The following HTT variants were observed in gnomAD, a reference collection of about 807,000 sequenced individuals.
HTT encodes huntingtin.
A neutral mutation model predicts 362.3 loss-of-function variants in HTT; 104 were observed. The ratio of observed to expected loss-of-function variants is 0.29; its 90% CI spans 0.24 to 0.34. HTT has a LOEUF of 0.34. HTT is among the 10% of genes least tolerant of loss of function. The probability of loss-of-function intolerance (pLI) is 1.00; values close to 1 mark genes in which losing one functional copy is unlikely to be tolerated. For missense variants in HTT, 3,301 were observed against 3,928.6 expected (o/e 0.84, Z 4.27); for synonymous variants, 1,577 against 1,548.7 (o/e 1.02, Z -0.43).
chr4:3,217,938 C>G lies in HTT; in HGVS notation c.7228C>G (p.Arg2410Gly). The G allele has an allele frequency of 6.2e-7, 1 of 1,610,256 alleles. No individual in the cohort carries two copies. Among genetic ancestry groups the G allele is most frequent in the Non-Finnish European group, 8.5e-7 (1 of 1,178,688 alleles). ...CCTGCCCCTTGTCAACAGCTACACACGTGTGCCCCCACTGGTGAGTCTGCT... is the reference window on the plus strand; with the variant it reads ...CCTGCCCCTTGTCAACAGCTACACAGGTGTGCCCCCACTGGTGAGTCTGCT... ...ARLPLVNSYT[R>G]VPPLVWKLGW... Residue 2410 changes from arginine to glycine, a missense_variant, in exon 52 of 67, where the codon CGT (arginine) becomes GGT (glycine). Arg to Gly is a moderately radical substitution (Grantham distance 125, BLOSUM62 -2). Transcript: ENST00000355072.
rs1291739921 is a variant in HTT, at chr4:3,240,478, C to T, written c.*419C>T. On this transcript the variant is annotated 3_prime_UTR_variant, in exon 67 of 67. Transcript: ENST00000355072. ...GTGCCGTGAGCAGGCTTTGGGAACACTGGCCTGGGTCTCCCTGGTGGGGTG... is the reference window on the plus strand; with the variant it reads ...GTGCCGTGAGCAGGCTTTGGGAACATTGGCCTGGGTCTCCCTGGTGGGGTG... 2 of 242,002 alleles carry T rather than the reference C, an allele frequency of 8.3e-6. No homozygotes were observed. Among genetic ancestry groups the T allele is most frequent in the Admixed American group, 5.1e-5 (1 of 19,468 alleles). The allele number at this position is 242,002 out of a possible 1,614,324, so 15.0% of individuals were successfully genotyped here. A position where few individuals can be genotyped will look rare whatever the true frequency, so the allele number is the denominator to read the frequency against.
chr4:3,144,134 A>G (rs748749975), intron 23 of HTT, among the ~76,000 whole-genome samples: 7 of 152,186 alleles, frequency 4.6e-5, no homozygotes, highest in African/African-American at 7.2e-5. Flanking sequence ...TAATATTTAC[A>G]TATATACATT....
At position 3,132,571 on chromosome 4, in the gene HTT, A is replaced by G. The variant is rs774253874; in HGVS notation, c.2246A>G (p.Tyr749Cys). Residue 749 changes from tyrosine to cysteine, a missense_variant, in exon 17 of 67, where the codon TAT (tyrosine) becomes TGT (cysteine). By Grantham distance (194) the Tyr-to-Cys change is radical. Around this residue, in one of 4 missense-constraint regions of HTT, gnomAD observed 2,316 missense variants for 2,658.5 expected, o/e 0.87. Transcript: ENST00000355072. Reference protein sequence around the residue: ...LDTTEYPEEQYVSDILNYIDH... With the variant: ...LDTTEYPEEQCVSDILNYIDH... Reference sequence around the variant, plus strand: ...CAATTTATCTCCACAGAGGAACAGTATGTCTCAGACATCTTGAACTACATC... The same window carrying G: ...CAATTTATCTCCACAGAGGAACAGTGTGTCTCAGACATCTTGAACTACATC... 3.1e-6 allele frequency: 5 copies of G among 1,613,956 alleles called. No individual in the cohort carries two copies. The highest frequency in any genetic ancestry group is 2.5e-6 in the Non-Finnish European group (3 of 1,179,832).
intron 6 of HTT, chr4:3,112,872 T>C: frequency 5.7e-6 from 1 of 174,756 alleles, no homozygotes; most frequent in Non-Finnish European, 1.1e-5. Flanking sequence ...CCACTGTGTA[T>C]GGGGATTCCA....
chr4:3,154,458 G>A, intron 27 of HTT, 39 bp downstream of exon 27: 1 of 1,604,158 alleles, frequency 6.2e-7, no homozygotes, highest in Non-Finnish European at 8.5e-7. Flanking sequence ...CATGAGTGCA[G>A]CATCTGTCAT....
chr4:3,075,735 C>G (rs1411909532), intron 1 of HTT, among the ~76,000 whole-genome samples: 1 of 151,734 alleles, frequency 6.6e-6, no homozygotes, highest in Non-Finnish European at 1.5e-5. Context: ...GAGGCTCTTC[C>G]TACATTGTCA....
intron 53 of HTT, among the ~76,000 whole-genome samples, chr4:3,221,816 T>C (rs953215254): frequency 2.6e-5 from 4 of 152,278 alleles, no homozygotes; most frequent in African/African-American, 4.8e-5. Context: ...CCTACCTTGA[T>C]ACACTCTTTT....
At chr4:3,079,190 C>G (rs1168790479) in intron 1 of HTT, among the ~76,000 whole-genome samples, 6 of 151,860 alleles carry the variant, frequency 4.0e-5, no homozygotes, top group Non-Finnish European at 7.4e-5. Flanking sequence ...GCCACCATAC[C>G]TGGCCAGTGT....
At chr4:3,177,528 A>G in intron 34 of HTT, 141 bp downstream of exon 34, 2 of 573,610 alleles carry the variant, frequency 3.5e-6, no homozygotes, top group East Asian at 3.1e-5. Context: ...CATACTGTGC[A>G]TTTTTGCTTC....
chr4:3,118,043 G>A (rs1191572122), intron 8 of HTT, among the ~76,000 whole-genome samples: 2 of 151,964 alleles, frequency 1.3e-5, no homozygotes, highest in Admixed American at 1.3e-4. Flanking sequence ...TTCCCTTAGA[G>A]TTCATTTATT....
intron 29 of HTT, among the ~76,000 whole-genome samples, chr4:3,161,098 T>C (rs1407754743): frequency 6.6e-6 from 1 of 151,900 alleles, no homozygotes; most frequent in African/African-American, 2.4e-5. Context: ...TGGGCCCCGG[T>C]GTGTGATGTT....
intron 44 of HTT, 42 bp downstream of exon 44, chr4:3,207,025 T>C: frequency 1.3e-6 from 2 of 1,558,394 alleles, no homozygotes; most frequent in South Asian, 2.4e-5. Flanking sequence ...ATATTGAAAA[T>C]TTAGCAGGCC....
At chr4:3,185,374 G>T (rs1718713709) in intron 37 of HTT, among the ~76,000 whole-genome samples, 1 of 152,138 alleles carries the variant, frequency 6.6e-6, no homozygotes, top group African/African-American at 2.4e-5. Flanking sequence ...CACAGGCGAG[G>T]GTCCAGGATG....
chr4:3,157,977 A>G lies in HTT; in HGVS notation c.3753+778A>G, dbSNP rs762902261. ...TATCAATCTATCTGTCTGCTCATCT[A>G]TTAGAAGCATCCTTGTTTTTTTTTT... is the stretch of plus-strand genomic sequence containing the variant. On this transcript the variant is annotated intron_variant, in intron 28 of 66. Transcript: ENST00000355072. Among the ~76,000 whole-genome samples the G allele has an allele frequency of 3.3e-5, 5 of 150,538 alleles. No individual in the cohort carries two copies. The South Asian group carries it at 6.3e-4, about 19-fold the overall frequency.
chr4:3,206,702 C>T lies in HTT; in HGVS notation c.5898+27C>T, dbSNP rs1280555818. On this transcript the variant is annotated intron_variant, in intron 43 of 66. Coordinates refer to ENST00000355072, the MANE Select transcript of HTT (RefSeq NM_001388492.1). The surrounding 1 kb of genome is among the most constrained non-coding windows in gnomAD (Gnocchi z 4.6). ...TACGTCTTCATCCTGCCGACTATTG[C>T]CAGTTGCAGTTTTCCCTGCCTTAAA... 1.3e-6 allele frequency: 2 copies of T among 1,598,830 alleles called. No individual in the cohort carries two copies. The highest frequency in any genetic ancestry group is 3.4e-5 in the Admixed American group (2 of 59,090).
chr4:3,139,554 G>A (rs534869862), intron 21 of HTT, among the ~76,000 whole-genome samples: 21 of 152,346 alleles, frequency 1.4e-4, no homozygotes, highest in African/African-American at 5.1e-4. Context: ...TCTCCATGAG[G>A]AAAGAGACTT....
At chr4:3,212,909 G>A (rs550456350) in intron 49 of HTT, 200 bp downstream of exon 49, 32 of 584,022 alleles carry the variant, frequency 5.5e-5, no homozygotes, top group Admixed American at 1.8e-4. Flanking sequence ...CCTCATGGTG[G>A]CCTGTGAGGT....
intron 6 of HTT, chr4:3,113,022 G>T: frequency 2.0e-6 from 2 of 978,502 alleles, no homozygotes; most frequent in Non-Finnish European, 2.4e-6. Context: ...AATGATTCAT[G>T]CATCTCTTCC....
intron 35 of HTT, among the ~76,000 whole-genome samples, chr4:3,180,230 C>T (rs888564987): frequency 9.2e-5 from 14 of 152,090 alleles, no homozygotes; most frequent in Non-Finnish European, 1.3e-4. Flanking sequence ...TTCAAATTGA[C>T]TTTTGAATTT....
Sources: allele counts gnomAD v4.1 joint callset (sites outside exome capture counted in the v4.1 genomes callset), GRCh38; gene constraint gnomAD v4.1.1; regional missense constraint gnomAD v4.1.1; non-coding constraint Gnocchi (gnomAD v3.1); transcripts MANE v1.5; gene names NCBI Gene and HGNC (gene_info 2026-07-23, HGNC 2026-07-21).